AZIN2: variants seen among roughly 807,000 people sequenced by gnomAD.
AZIN2 encodes antizyme inhibitor 2, also known as ODC antizyme inhibitor-2.
AZIN2 carries 28 observed loss-of-function variants against 47.8 expected under a neutral mutation model. The ratio of observed to expected loss-of-function variants is 0.59; its 90% CI spans 0.43 to 0.80. The LOEUF (loss-of-function observed/expected upper bound fraction) is 0.80, where lower values mean the gene tolerates loss of function less well. Among genes scored for constraint, AZIN2 ranks in the 30% least tolerant of loss-of-function variants. AZIN2 has a pLI of 0.00. For missense variants in AZIN2, 535 were observed against 582.5 expected, an observed-to-expected ratio of 0.92 and a Z score of 0.84; for synonymous variants, 221 against 239.4, an observed-to-expected ratio of 0.92 and a Z score of 0.71.
chr1:33,147,565 C>T, the AZIN2 span: 1 of 1,613,976 alleles, frequency 6.2e-7, no homozygotes, highest in Non-Finnish European at 8.5e-7. The surrounding 1 kb of genome is among the most constrained non-coding windows in gnomAD (Gnocchi z 8.1). Flanking sequence ...GACGCCACTA[C>T]TGAAGGCTTC....
chr1:33,166,523 T>C, the AZIN2 span, among the ~76,000 whole-genome samples: 1 of 152,116 alleles, frequency 6.6e-6, no homozygotes, highest in Non-Finnish European at 1.5e-5. Context: ...ATTAAATCAT[T>C]TGGGCCTCTC....
chr1:33,156,539 C>T, the AZIN2 span, among the ~76,000 whole-genome samples: 2 of 152,210 alleles, frequency 1.3e-5, no homozygotes, highest in Admixed American at 6.5e-5. Context: ...TGCTCCTTCT[C>T]GGTCTCCTTG....
At chr1:33,087,360 C>T (rs141230561) in intron 5 of AZIN2, among the ~76,000 whole-genome samples, 4,035 of 150,332 alleles carry the variant, frequency 0.027, 189 homozygotes, top group African/African-American at 0.093. Context: ...CTCGAACTCC[C>T]GACCTCAGGT....
At position 33,092,145 on chromosome 1, in the gene AZIN2, C is replaced by T. The variant is rs184703630; in HGVS notation, c.375C>T (p.Ala125=). The T allele has an allele frequency of 3.1e-6, 5 of 1,614,174 alleles. No individual in the cohort carries two copies. The African/African-American group carries it at 4.0e-5, about 13-fold the overall frequency. Residue 125 remains alanine, a synonymous_variant, in exon 6 of 12, where the codon GCC becomes GCT. Coordinates refer to ENST00000294517, the MANE Select transcript of AZIN2 (RefSeq NM_052998.4). ...AAATTGCACAGATCAAATATGCTGC[C>T]AAGCATGGGATCCAGCTGCTGAGCT... ...CKQIAQIKYA[A]KHGIQLLSFD...
rs753667897 is a variant in AZIN2, at chr1:33,094,556, T to C, written c.596T>C (p.Ile199Thr). The C allele has an allele frequency of 3.1e-6, 5 of 1,609,460 alleles. No homozygotes were observed. Among genetic ancestry groups the C allele is most frequent in the Non-Finnish European group, 4.3e-6 (5 of 1,176,132 alleles). ...HVEVVGVSFH[I>T]GSGCPDPQAY... Reference sequence around the variant, plus strand: ...TCTTCCTCTCTTCCCAGTTTTCACATTGGCAGTGGCTGTCCTGACCCTCAG... The same window carrying C: ...TCTTCCTCTCTTCCCAGTTTTCACACTGGCAGTGGCTGTCCTGACCCTCAG... The change falls in exon 8 of 12, where the codon ATT becomes ACT. Residue 199 changes from isoleucine to threonine, a missense_variant. Coordinates refer to ENST00000294517, the MANE Select transcript of AZIN2 (RefSeq NM_052998.4).
intron 10 of AZIN2, among the ~76,000 whole-genome samples, chr1:33,102,273 G>T (rs777965811): frequency 6.6e-6 from 1 of 152,138 alleles, no homozygotes; most frequent in Non-Finnish European, 1.5e-5. Context: ...ATGTCTCTTT[G>T]TATATTTACT....
At position 33,122,250 on chromosome 1, in the gene AZIN2, G is replaced by A. The variant is rs1030907474; in HGVS notation, c.*2068G>A. Among the ~76,000 whole-genome samples, 3 of 152,194 alleles carry A rather than the reference G, an allele frequency of 2.0e-5. No homozygotes were observed. Among genetic ancestry groups the A allele is most frequent in the African/African-American group, 7.2e-5 (3 of 41,456 alleles). ...CATGGCTGGCTACAGTGAGACCCAG[G>A]TGTAGCTGATTCCCTCTTCTGAGCA... On this transcript the variant is annotated 3_prime_UTR_variant, in exon 12 of 12. Coordinates refer to ENST00000294517, the MANE Select transcript of AZIN2 (RefSeq NM_052998.4).
At chr1:33,140,596 G>T in the AZIN2 span, among the ~76,000 whole-genome samples, 1 of 152,192 alleles carries the variant, frequency 6.6e-6, no homozygotes, top group Admixed American at 6.5e-5. This position sits in a 1 kb window ranked among gnomAD's most constrained non-coding sequence, Gnocchi z 4.0. Context: ...TTTCTCTAGT[G>T]CCATGAAATC....
the AZIN2 span, among the ~76,000 whole-genome samples, chr1:33,149,792 G>C: frequency 1.5e-4 from 23 of 152,272 alleles, no homozygotes; most frequent in African/African-American, 5.3e-4. Context: ...TGATACTGGC[G>C]TGGGGTATTA....
chr1:33,093,059 T>C (rs1025563794), intron 6 of AZIN2, among the ~76,000 whole-genome samples: 1 of 152,114 alleles, frequency 6.6e-6, no homozygotes, highest in Non-Finnish European at 1.5e-5. Flanking sequence ...GTTGGTGAGG[T>C]CTGGACCAGG....
intron 9 of AZIN2, 125 bp from the exon 10 acceptor site, chr1:33,097,942 C>T (rs775058217): frequency 6.0e-6 from 4 of 665,980 alleles, no homozygotes; most frequent in African/African-American, 1.8e-5. Flanking sequence ...TTGTTGTAGG[C>T]CTCGCCTCAT....
At chr1:33,162,883 G>A in the AZIN2 span, 2 of 152,238 alleles carry the variant, frequency 1.3e-5, no homozygotes, top group Non-Finnish European at 1.5e-5. Flanking sequence ...AGGACTGGAT[G>A]GTAAGCTCCC....
the AZIN2 span, among the ~76,000 whole-genome samples, chr1:33,160,647 T>C: frequency 6.6e-6 from 1 of 152,092 alleles, no homozygotes; most frequent in Non-Finnish European, 1.5e-5. Flanking sequence ...TTAGGTGATC[T>C]GCCCACCTTG....
chr1:33,083,983 C>G lies in AZIN2; in HGVS notation c.135C>G (p.Asp45Glu). The change falls in exon 5 of 12, where the codon GAC (aspartate) becomes GAG (glutamate). Residue 45 changes from aspartate (D) to glutamate (E), a missense_variant. Asp to Glu is a conservative substitution (Grantham distance 45). Coordinates refer to ENST00000294517, the MANE Select transcript of AZIN2 (RefSeq NM_052998.4). ...AGGTAGCTGCCTTCTTCGTGGCTGACCTGGGTGCCATAGTGAGGAAGCACT... is the reference window on the plus strand; with the variant it reads ...AGGTAGCTGCCTTCTTCGTGGCTGAGCTGGGTGCCATAGTGAGGAAGCACT... ...TDEVAAFFVA[D>E]LGAIVRKHFC... 1 of 1,614,174 alleles carries G rather than the reference C, an allele frequency of 6.2e-7. No individual in the cohort carries two copies. The highest frequency in any genetic ancestry group is 8.5e-7 in the Non-Finnish European group (1 of 1,180,030).
At chr1:33,117,505 T>C (rs1381664689) in intron 10 of AZIN2, among the ~76,000 whole-genome samples, 3 of 152,250 alleles carry the variant, frequency 2.0e-5, no homozygotes, top group African/African-American at 7.2e-5. Flanking sequence ...GTTACAATTG[T>C]GCTGACTTTC....
At chr1:33,154,664 G>A in the AZIN2 span, among the ~76,000 whole-genome samples, 1 of 151,390 alleles carries the variant, frequency 6.6e-6, no homozygotes, top group African/African-American at 2.4e-5. Flanking sequence ...TGGGTGCAGT[G>A]GCGTGTGCCT....
At chr1:33,138,610 T>TCAA in the AZIN2 span, among the ~76,000 whole-genome samples, 492 of 127,132 alleles carry the variant, frequency 3.9e-3, 2 homozygotes, top group African/African-American at 0.015. Flanking sequence ...AGATCCTGTC[T>TCAA]CAACAACAAC....
chr1:33,092,259 G>A, intron 6 of AZIN2, 37 bp downstream of exon 6: 6 of 1,542,108 alleles, frequency 3.9e-6, no homozygotes, highest in Non-Finnish European at 5.3e-6. Flanking sequence ...GCTGGGCTGT[G>A]GGGAGCCTGG....
In AZIN2 at chr1:33,117,882, GCCAT is replaced by G. The variant is rs1557727610; in HGVS notation, c.1030-17_1030-14del. ...TTGTATGCCCAGGAGAGCTGGCATG[GCCAT>G]CCCTTCTTCCTACAGAAACCATCCA... On this transcript the variant is annotated splice_polypyrimidine_tract_variant and intron_variant, in intron 10 of 11. Coordinates refer to ENST00000294517, the MANE Select transcript of AZIN2 (RefSeq NM_052998.4). 1 of 1,613,928 alleles carries G rather than the reference GCCAT, an allele frequency of 6.2e-7. No individual in the cohort carries two copies. Among genetic ancestry groups the G allele is most frequent in the Non-Finnish European group, 8.5e-7 (1 of 1,179,774 alleles).
Sources: allele counts gnomAD v4.1 joint callset (sites outside exome capture counted in the v4.1 genomes callset), GRCh38; gene constraint gnomAD v4.1.1; non-coding constraint Gnocchi (gnomAD v3.1); transcripts MANE v1.5; gene names NCBI Gene and HGNC (gene_info 2026-07-23, HGNC 2026-07-21).